The following RFFL variants were observed in gnomAD, a reference collection of about 807,000 sequenced individuals.
RFFL encodes E3 ubiquitin-protein ligase rififylin.
In RFFL, 16 loss-of-function variants were observed where a neutral mutation model predicts 40.4. The ratio of observed to expected loss-of-function variants is 0.40; its 90% CI spans 0.27 to 0.60. The LOEUF is 0.60. RFFL is among the 20% of genes least tolerant of loss of function. The pLI, the probability that RFFL is intolerant of heterozygous loss-of-function variation, is 0.47. For missense variants in RFFL, 367 were observed against 451.7 expected, an observed-to-expected ratio of 0.81 and a Z score of 1.70; for synonymous variants, 154 against 167.9, an observed-to-expected ratio of 0.92 and a Z score of 0.64.
At chr17:35,064,643 G>T (rs72823666), upstream of RFFL, among the ~76,000 whole-genome samples, 1 of 151,790 alleles carries the variant, frequency 6.6e-6, no homozygotes, top group South Asian at 2.1e-4. Flanking sequence ...TCTGTTTCCT[G>T]CTTAAAATGT....
At chr17:35,088,847 G>A (rs904901156) in intron 1 of RFFL, 1 of 152,372 alleles carries the variant, frequency 6.6e-6, no homozygotes, top group African/African-American at 2.4e-5. Flanking sequence ...CACGTCTCCT[G>A]TTACTGCCCC....
upstream of RFFL, among the ~76,000 whole-genome samples, chr17:35,066,091 C>G (rs1224722694): frequency 6.6e-6 from 1 of 152,140 alleles, no homozygotes; most frequent in Non-Finnish European, 1.5e-5. Flanking sequence ...CCACTGCAAT[C>G]CAGCCCAGGC....
chr17:35,011,834 G>A lies in RFFL; in HGVS notation c.*134C>T. On this transcript the variant is annotated 3_prime_UTR_variant, in exon 7 of 7. Transcript: ENST00000394597. Reference sequence around the variant, plus strand: ...AGACAGGCATGCTCAGGGGTGACATGGCATCTTGCTTGACCTGGTTTTGGG... The same window carrying A: ...AGACAGGCATGCTCAGGGGTGACATAGCATCTTGCTTGACCTGGTTTTGGG... 1 of 809,106 alleles carries A rather than the reference G, an allele frequency of 1.2e-6. No homozygotes were observed. The highest frequency in any genetic ancestry group is 2.0e-6 in the Non-Finnish European group (1 of 500,794). 50.1% of individuals were successfully genotyped at this position (809,106 alleles called of 1,614,324 possible).
intron 1 of RFFL, among the ~76,000 whole-genome samples, chr17:35,044,704 T>C (rs1211578751): frequency 1.3e-5 from 2 of 152,154 alleles, no homozygotes; most frequent in Non-Finnish European, 2.9e-5. Context: ...CCTTACTCTA[T>C]CCTATTCTTT....
At chr17:35,013,731 T>TTC (rs2090955649) in intron 6 of RFFL, among the ~76,000 whole-genome samples, 1 of 152,186 alleles carries the variant, frequency 6.6e-6, no homozygotes, top group Non-Finnish European at 1.5e-5. Context: ...CAGTTACTCA[T>TTC]TCTCTCAGAA....
chr17:35,025,213 G>A (rs1469471220), intron 2 of RFFL: 1 of 152,126 alleles, frequency 6.6e-6, no homozygotes, highest in Non-Finnish European at 1.5e-5. Context: ...GCTTTTCTAG[G>A]CACCCAGGCC....
chr17:35,057,901 T>A (rs942924239), intron 1 of RFFL, among the ~76,000 whole-genome samples: 3 of 152,018 alleles, frequency 2.0e-5, no homozygotes, highest in Non-Finnish European at 4.4e-5. Flanking sequence ...GTGCCTTTTA[T>A]GAGGCAGACA....
rs28456346 is a variant in RFFL at position 35,058,720 on chromosome 17, G to A, written c.-9+4856C>T. ...CGGGAGGCAAAGGTTGCAGTGAGCCGAGATTGCGCCACTGCACTCCAGCCT... is the reference window on the plus strand; with the variant it reads ...CGGGAGGCAAAGGTTGCAGTGAGCCAAGATTGCGCCACTGCACTCCAGCCT... On this transcript the variant is annotated intron_variant, in intron 1 of 6. Transcript: ENST00000394597. 6.6e-5 allele frequency among the ~76,000 whole-genome samples: 10 copies of A among 152,072 alleles called. No homozygotes were observed. The East Asian group carries it at 7.8e-4, about 12-fold the overall frequency.
upstream of RFFL, among the ~76,000 whole-genome samples, chr17:35,066,095 C>G (rs1054111078): frequency 5.9e-5 from 9 of 152,116 alleles, no homozygotes; most frequent in East Asian, 1.7e-3. Flanking sequence ...TGCAATCCAG[C>G]CCAGGCGACA....
At chr17:35,084,364 C>CACCTGTAATCCCAACATT (rs2091418708) in intron 1 of RFFL, among the ~76,000 whole-genome samples, 1 of 152,130 alleles carries the variant, frequency 6.6e-6, no homozygotes, top group Non-Finnish European at 1.5e-5. Flanking sequence ...GAGGCCAAGG[C>CACCTGTAATCCCAACATT]GGGCAGATCA....
At chr17:35,056,080 C>G (rs1261768711) in intron 1 of RFFL, among the ~76,000 whole-genome samples, 1 of 152,056 alleles carries the variant, frequency 6.6e-6, no homozygotes, top group Non-Finnish European at 1.5e-5. Context: ...TCCCTCTCAT[C>G]TCCTCATTCT....
chr17:35,080,636 T>C (rs1313021962), intron 1 of RFFL, among the ~76,000 whole-genome samples: 2 of 152,152 alleles, frequency 1.3e-5, no homozygotes, highest in Non-Finnish European at 2.9e-5. Flanking sequence ...CACTAATAAG[T>C]TGCATTTAAC....
intron 1 of RFFL, among the ~76,000 whole-genome samples, chr17:35,051,293 T>TA (rs2091230285): frequency 6.6e-6 from 1 of 152,202 alleles, no homozygotes; most frequent in South Asian, 2.1e-4. Context: ...GCTCAAATAC[T>TA]AGAAGTCTTG....
At chr17:35,041,935 A>G (rs1407957407) in intron 1 of RFFL, among the ~76,000 whole-genome samples, 2 of 152,144 alleles carry the variant, frequency 1.3e-5, no homozygotes, top group Non-Finnish European at 2.9e-5. Flanking sequence ...GTATCGCTTG[A>G]ACCCGGGAGG....
At chr17:35,015,330 T>C (rs973628337) in intron 5 of RFFL, among the ~76,000 whole-genome samples, 1 of 152,266 alleles carries the variant, frequency 6.6e-6, no homozygotes, top group Non-Finnish European at 1.5e-5. Flanking sequence ...AAGGATACTG[T>C]ATATGTGCAA....
intron 1 of RFFL, among the ~76,000 whole-genome samples, chr17:35,048,295 G>A (rs2142353664): frequency 6.6e-6 from 1 of 151,920 alleles, no homozygotes; most frequent in Non-Finnish European, 1.5e-5. Flanking sequence ...CCAGCTGCTT[G>A]GGAGGTTGAG....
intron 1 of RFFL, among the ~76,000 whole-genome samples, chr17:35,081,481 G>C (rs1394191942): frequency 6.6e-6 from 1 of 152,134 alleles, no homozygotes; most frequent in Non-Finnish European, 1.5e-5. Context: ...ACGTGCTAGT[G>C]TAACTGTAAT....
At chr17:35,080,531 G>C (rs1451217752) in intron 1 of RFFL, among the ~76,000 whole-genome samples, 1 of 152,194 alleles carries the variant, frequency 6.6e-6, no homozygotes, top group South Asian at 2.1e-4. Context: ...TGAGGTGGGA[G>C]AGGAGGATGC....
chr17:35,066,961 A>T (rs2091323647), upstream of RFFL, among the ~76,000 whole-genome samples: 1 of 152,100 alleles, frequency 6.6e-6, no homozygotes, highest in African/African-American at 2.4e-5. Context: ...CACAGAAATT[A>T]AACATGAAAA....
Sources: gnomAD v4.1 joint callset for allele counts (sites outside exome capture counted in the v4.1 genomes callset) on GRCh38, gnomAD v4.1.1 for gene constraint, MANE v1.5 for transcripts, NCBI Gene and HGNC (gene_info 2026-07-23, HGNC 2026-07-21) for gene names.